ANKFN1: variants seen among roughly 807,000 people sequenced by gnomAD.
ANKFN1 encodes ankyrin repeat and fibronectin type-III domain-containing protein 1.
In ANKFN1, 74 loss-of-function variants were observed where a neutral mutation model predicts 108.7. The ratio of observed to expected loss-of-function variants is 0.68; its 90% CI spans 0.56 to 0.83. The LOEUF (loss-of-function observed/expected upper bound fraction) is 0.83. Among genes scored for constraint, ANKFN1 ranks in the 40% least tolerant of loss-of-function variants. The pLI is 0.00. For missense variants in ANKFN1, 1,505 were observed against 1,382.3 expected, an observed-to-expected ratio of 1.09 and a Z score of -1.41; for synonymous variants, 547 against 516.2, an observed-to-expected ratio of 1.06 and a Z score of -0.81.
intron 3 of ANKFN1, among the ~76,000 whole-genome samples, chr17:56,315,222 A>G (rs1441623219): frequency 6.6e-6 from 1 of 152,228 alleles, no homozygotes; most frequent in Non-Finnish European, 1.5e-5. Context: ...GAGATGGTGA[A>G]TATGTAGCAT....
chr17:56,306,643 C>T (rs2044836214), intron 3 of ANKFN1, among the ~76,000 whole-genome samples: 1 of 152,126 alleles, frequency 6.6e-6, no homozygotes, highest in Non-Finnish European at 1.5e-5. Context: ...GTGAAAATGG[C>T]CATACTGCCC....
intron 10 of ANKFN1, among the ~76,000 whole-genome samples, chr17:56,445,037 C>G (rs2031359109): frequency 6.6e-6 from 1 of 152,132 alleles, no homozygotes; most frequent in African/African-American, 2.4e-5. Flanking sequence ...CTTCATTATT[C>G]TAGACTTATT....
intron 6 of ANKFN1, among the ~76,000 whole-genome samples, chr17:56,360,701 T>A (rs145456715): frequency 0.016 from 2,413 of 152,336 alleles, 117 homozygotes; most frequent in Admixed American, 0.11. Context: ...TGATCTTTTT[T>A]ATGTTTTCAA....
At position 56,252,858 on chromosome 17, in the gene ANKFN1, G is replaced by A. The variant is rs1002264567; in HGVS notation, c.53+24901G>A. On this transcript the variant is annotated intron_variant, in intron 3 of 20. Transcript: ENST00000682825. ...GAGGATCACTTGAGGCCAAGAGTTT[G>A]AGACTAGACTGGGCAACATAGTGAG... is the stretch of plus-strand genomic sequence containing the variant. 2.0e-5 allele frequency among the ~76,000 whole-genome samples: 3 copies of A among 151,072 alleles called. No individual in the cohort carries two copies. In the Admixed American group the frequency reaches 2.0e-4, roughly 10 times the overall value.
chr17:56,269,948 A>G (rs998610044), intron 3 of ANKFN1, among the ~76,000 whole-genome samples: 3 of 152,206 alleles, frequency 2.0e-5, no homozygotes, highest in Admixed American at 6.5e-5. Flanking sequence ...TCCAACGCAC[A>G]TGTTTCTGAT....
chr17:56,128,609 T>A (rs1370068254), intron 4 of ANKFN1, among the ~76,000 whole-genome samples: 1 of 152,228 alleles, frequency 6.6e-6, no homozygotes, highest in African/African-American at 2.4e-5. Context: ...TAAAACTAGA[T>A]GCTCTTTCTA....
chr17:56,249,225 A>T (rs150551572), intron 3 of ANKFN1, among the ~76,000 whole-genome samples: 6,121 of 152,244 alleles, frequency 0.04, 155 homozygotes, highest in African/African-American at 0.066. Flanking sequence ...ACCTGAGGTC[A>T]GGAGTTCGAG....
intron 3 of ANKFN1, among the ~76,000 whole-genome samples, chr17:56,275,485 T>A (rs959964466): frequency 6.6e-6 from 1 of 152,088 alleles, no homozygotes; most frequent in African/African-American, 2.4e-5. Context: ...TAATGAAGAA[T>A]TTCAGTAGAG....
chr17:56,335,873 A>G (rs2045793838), intron 4 of ANKFN1, among the ~76,000 whole-genome samples: 2 of 152,186 alleles, frequency 1.3e-5, no homozygotes, highest in African/African-American at 4.8e-5. Flanking sequence ...AGCTCTTATT[A>G]TTTTGAGATA....
At chr17:56,248,974 C>A (rs1485868639) in intron 3 of ANKFN1, among the ~76,000 whole-genome samples, 1 of 152,120 alleles carries the variant, frequency 6.6e-6, no homozygotes, top group African/African-American at 2.4e-5. Context: ...ACCAATTGCA[C>A]AGGGGAGGTG....
At chr17:56,430,027 T>G (rs1366734171) in intron 8 of ANKFN1, among the ~76,000 whole-genome samples, 1 of 152,202 alleles carries the variant, frequency 6.6e-6, no homozygotes, top group Non-Finnish European at 1.5e-5. Flanking sequence ...CATGAGTCTT[T>G]CACTTGAGTA....
At chr17:56,249,068 G>A (rs1267512102) in intron 3 of ANKFN1, among the ~76,000 whole-genome samples, 4 of 152,128 alleles carry the variant, frequency 2.6e-5, no homozygotes, top group Admixed American at 6.6e-5. Context: ...AGAACAGCTC[G>A]GGGTATCATT....
intron 18 of ANKFN1, among the ~76,000 whole-genome samples, chr17:56,482,958 A>G (rs989909266): frequency 2.0e-5 from 3 of 151,688 alleles, no homozygotes; most frequent in African/African-American, 7.3e-5. Context: ...CACATCCCCA[A>G]CCAGAGAAAA....
At chr17:56,305,868 T>G (rs2044807797) in intron 3 of ANKFN1, among the ~76,000 whole-genome samples, 1 of 152,244 alleles carries the variant, frequency 6.6e-6, no homozygotes, top group Non-Finnish European at 1.5e-5. Context: ...TGGTGTTTTT[T>G]GCCTCTGGAT....
At chr17:56,283,146 A>G (rs2044128656) in intron 3 of ANKFN1, among the ~76,000 whole-genome samples, 1 of 152,132 alleles carries the variant, frequency 6.6e-6, no homozygotes, top group Non-Finnish European at 1.5e-5. Context: ...TTAAGCATAC[A>G]TGTGTCCATG....
chr17:56,070,809 A>G (rs767583356), intron 4 of ANKFN1, among the ~76,000 whole-genome samples: 58 of 150,522 alleles, frequency 3.9e-4, no homozygotes, highest in Admixed American at 6.0e-4. Flanking sequence ...ATCTCAGCTC[A>G]CTGCAACCTC....
intron 2 of ANKFN1, among the ~76,000 whole-genome samples, chr17:56,214,553 T>TCATA (rs1377250741): frequency 6.6e-6 from 1 of 152,214 alleles, no homozygotes; most frequent in Non-Finnish European, 1.5e-5. Context: ...TGCATATGCC[T>TCATA]CATACATACA....
chr17:56,487,452 G>A lies in ANKFN1; in HGVS notation c.2261-4735G>A, dbSNP rs9889443. On this transcript the variant is annotated intron_variant, in intron 18 of 20. Transcript: ENST00000682825. ...TTGTGGGTGCTCACAACTGACAGCCGGCCTATGACAAGGAAAGTTGGCCTT... is the reference window on the plus strand; with the variant it reads ...TTGTGGGTGCTCACAACTGACAGCCAGCCTATGACAAGGAAAGTTGGCCTT... Among the ~76,000 whole-genome samples the A allele has an allele frequency of 9.9e-3, 1,509 of 152,080 alleles. 24 individuals are homozygous for A. The highest frequency in any genetic ancestry group is 0.034 in the African/African-American group (1,427 of 41,486).
At chr17:56,098,002 G>A (rs1040108044) in intron 4 of ANKFN1, among the ~76,000 whole-genome samples, 1 of 152,162 alleles carries the variant, frequency 6.6e-6, no homozygotes, top group African/African-American at 2.4e-5. Context: ...ATCTTGAAAA[G>A]GGGAGCTTAT....
Sources: gnomAD v4.1 joint callset for allele counts (sites outside exome capture counted in the v4.1 genomes callset) on GRCh38, gnomAD v4.1.1 for gene constraint, MANE v1.5 for transcripts, NCBI Gene and HGNC (gene_info 2026-07-23, HGNC 2026-07-21) for gene names.